Variants in OLFM1 observed in about 807,000 individuals in gnomAD.
OLFM1 encodes olfactomedin 1.
A neutral mutation model predicts 49.7 loss-of-function variants in OLFM1; 9 were observed. That is an observed-to-expected ratio of 0.18 (90% CI 0.11 to 0.32). The LOEUF is 0.32. Among genes scored for constraint, OLFM1 ranks in the 10% least tolerant of loss-of-function variants. The pLI is 1.00. For synonymous variants in OLFM1, 240 were observed against 271.8 expected (o/e 0.88, Z 1.15); for missense variants, 369 against 661.8 (o/e 0.56, Z 4.85).
intron 1 of OLFM1, among the ~76,000 whole-genome samples, chr9:135,079,051 T>C (rs1281821162): frequency 1.3e-5 from 2 of 152,246 alleles, no homozygotes; most frequent in African/African-American, 4.8e-5. Flanking sequence ...GGGTACCAGC[T>C]GGTTAGATTT....
chr9:135,109,712 G>A (rs140487892), intron 5 of OLFM1, among the ~76,000 whole-genome samples: 301 of 151,502 alleles, frequency 2.0e-3, no homozygotes, highest in Non-Finnish European at 2.5e-3. Flanking sequence ...CCAATAACTC[G>A]CTCCAAAAAA....
intron 4 of OLFM1, among the ~76,000 whole-genome samples, chr9:135,103,017 C>T (rs1830891605): frequency 6.6e-6 from 1 of 152,230 alleles, no homozygotes; most frequent in Non-Finnish European, 1.5e-5. Context: ...CTTGTCCAGG[C>T]TCCCGGCCTT....
chr9:135,096,438 T>C (rs1830799773), intron 3 of OLFM1, among the ~76,000 whole-genome samples: 1 of 151,916 alleles, frequency 6.6e-6, no homozygotes, highest in African/African-American at 2.4e-5. Context: ...GGGAGAAGCA[T>C]AGCAAAGGTT....
chr9:135,083,553 A>G (rs1830558734), upstream of OLFM1, among the ~76,000 whole-genome samples: 2 of 152,166 alleles, frequency 1.3e-5, no homozygotes, highest in South Asian at 4.1e-4. Flanking sequence ...GCTCCCCATC[A>G]CTGTCACTGG....
intron 4 of OLFM1, among the ~76,000 whole-genome samples, chr9:135,104,600 C>A (rs1248165843): frequency 6.6e-6 from 1 of 152,152 alleles, no homozygotes; most frequent in Non-Finnish European, 1.5e-5. Context: ...CTAACAGAAC[C>A]ACGGCGTGGA....
Position 135,090,679 on chromosome 9 carries a change from G to C in OLFM1, c.300+335G>C, listed in dbSNP as rs1053365343. 5.3e-5 allele frequency among the ~76,000 whole-genome samples: 8 copies of C among 152,162 alleles called. 1 individual carries two copies. Among genetic ancestry groups the C allele is most frequent in the Non-Finnish European group, 1.0e-4 (7 of 68,030 alleles). ...TCCACTGAGAAGTCACATGGGCATGGTGAGACGGGACACAAGGCTCGTCTC... is the reference window on the plus strand; with the variant it reads ...TCCACTGAGAAGTCACATGGGCATGCTGAGACGGGACACAAGGCTCGTCTC... On this transcript the variant is annotated intron_variant, in intron 2 of 5. Coordinates refer to ENST00000371793, the MANE Select transcript of OLFM1 (RefSeq NM_001282611.2).
chr9:135,104,544 A>G (rs889662887), intron 4 of OLFM1, among the ~76,000 whole-genome samples: 1 of 151,400 alleles, frequency 6.6e-6, no homozygotes, highest in Admixed American at 6.6e-5. Context: ...CTGGATGGAA[A>G]CCCAGCATGG....
chr9:135,119,504 G>T lies in OLFM1; in HGVS notation c.784G>T (p.Val262Leu). 6.3e-7 allele frequency: 1 copy of T among 1,598,746 alleles called. No individual in the cohort carries two copies. The highest frequency in any genetic ancestry group is 8.5e-7 in the Non-Finnish European group (1 of 1,171,882). ...DPLAPEGDNRVWYMDGYHNNR... is the reference protein window; with the variant it reads ...DPLAPEGDNRLWYMDGYHNNR... ...ACCACCGGGTCTGCTCTCTCCACAG[G>T]TGTGGTACATGGACGGCTATCACAA... is the stretch of plus-strand genomic sequence containing the variant. Residue 262 changes from valine (V) to leucine (L), a missense_variant and splice_region_variant, in exon 6 of 6, where the codon GTG becomes TTG. Coordinates refer to ENST00000371793, the MANE Select transcript of OLFM1 (RefSeq NM_001282611.2).
intron 1 of OLFM1, chr9:135,077,041 T>G: frequency 6.5e-7 from 1 of 1,536,416 alleles, no homozygotes; most frequent in Non-Finnish European, 8.7e-7. Flanking sequence ...AGCCAGTCCC[T>G]CCTGGAGAGG....
intron 1 of OLFM1, chr9:135,076,826 C>G: frequency 1.3e-6 from 2 of 1,547,268 alleles, no homozygotes; most frequent in South Asian, 2.4e-5. Context: ...AAAGAGAAAA[C>G]AAAGCAGAGA....
In OLFM1 at chr9:135,098,110, T is replaced by C; in HGVS notation, c.457-176T>C. On this transcript the variant is annotated intron_variant, in intron 3 of 5. Transcript: ENST00000371793. This position sits in a 1 kb window ranked among gnomAD's most constrained non-coding sequence, Gnocchi z 5.6. ...CAATAAAGACCTTTCCCAAATATGC[T>C]GGTGTTCTGAGGACTGTTTAATATG... 3 of 1,434,334 alleles carry C rather than the reference T, an allele frequency of 2.1e-6. No individual in the cohort carries two copies. The South Asian group carries it at 4.6e-5, about 22-fold the overall frequency. 88.9% of individuals were successfully genotyped at this position (1,434,334 alleles called of 1,614,324 possible).
intron 2 of OLFM1, 86 bp downstream of exon 2, chr9:135,090,430 G>A: frequency 7.2e-7 from 1 of 1,389,698 alleles, no homozygotes; most frequent in Non-Finnish European, 9.8e-7. Flanking sequence ...GCTCACACCA[G>A]CACCAAGGCT....
At chr9:135,094,173 C>T (rs916566583) in intron 2 of OLFM1, among the ~76,000 whole-genome samples, 2 of 152,132 alleles carry the variant, frequency 1.3e-5, no homozygotes, top group Non-Finnish European at 2.9e-5. Context: ...CATGTGGCTG[C>T]AGGAGCTACT....
intron 1 of OLFM1, chr9:135,076,154 G>A (rs1402975157): frequency 9.7e-6 from 15 of 1,549,892 alleles, no homozygotes; most frequent in Middle Eastern, 1.7e-4. Flanking sequence ...AGTGAGAGCC[G>A]GATAGCCAAG....
At chr9:135,108,675 C>G (rs144430275) in intron 5 of OLFM1, among the ~76,000 whole-genome samples, 1 of 152,062 alleles carries the variant, frequency 6.6e-6, no homozygotes, top group African/African-American at 2.4e-5. Context: ...GTCCTGTGTG[C>G]AGGTGCTGTC....
intron 5 of OLFM1, among the ~76,000 whole-genome samples, chr9:135,116,346 G>A (rs1831095643): frequency 6.6e-6 from 1 of 152,138 alleles, no homozygotes; most frequent in Non-Finnish European, 1.5e-5. Flanking sequence ...GCCTGAGCCT[G>A]TGCACCGTGT....
chr9:135,084,952 A>G (rs193074773), upstream of OLFM1, among the ~76,000 whole-genome samples: 283 of 152,286 alleles, frequency 1.9e-3, no homozygotes, highest in African/African-American at 6.4e-3. This position sits in a 1 kb window ranked among gnomAD's most constrained non-coding sequence, Gnocchi z 4.6. Flanking sequence ...TGATTCCCCA[A>G]TAGCCCACGT....
chr9:135,108,799 C>T (rs1364823519), intron 5 of OLFM1, among the ~76,000 whole-genome samples: 3 of 152,162 alleles, frequency 2.0e-5, no homozygotes, highest in Non-Finnish European at 4.4e-5. Context: ...CTGCCTGCGT[C>T]GGGGTCATTG....
intron 4 of OLFM1, 130 bp from the exon 5 acceptor site, chr9:135,106,619 T>C (rs2119129755): frequency 1.5e-6 from 1 of 653,358 alleles, no homozygotes; most frequent in Non-Finnish European, 2.7e-6. Flanking sequence ...CTTTCCACAG[T>C]ACCCCAGACC....
Sources: allele counts gnomAD v4.1 joint callset (sites outside exome capture counted in the v4.1 genomes callset), GRCh38; gene constraint gnomAD v4.1.1; non-coding constraint Gnocchi (gnomAD v3.1); transcripts MANE v1.5; gene names NCBI Gene and HGNC (gene_info 2026-07-23, HGNC 2026-07-21).